Variants in MCTP1 observed in about 807,000 individuals in gnomAD.
MCTP1 encodes multiple C2 and transmembrane domain containing 1, also known as multiple C2 and transmembrane domain-containing protein 1.
Under a neutral mutation model 120.6 loss-of-function variants are expected in MCTP1, and 69 were observed. The ratio of observed to expected loss-of-function variants is 0.57; its 90% CI spans 0.47 to 0.70. MCTP1 has a LOEUF of 0.70. Ranked by LOEUF, MCTP1 falls within the 30% of genes least tolerant of loss-of-function variation. MCTP1 has a pLI of 0.00. For missense variants in MCTP1, 1,203 were observed against 1,248.8 expected, an observed-to-expected ratio of 0.96 and a Z score of 0.55; for synonymous variants, 529 against 493.1, an observed-to-expected ratio of 1.07 and a Z score of -0.96.
chr5:95,127,339 T>C (rs912758359), intron 1 of MCTP1, among the ~76,000 whole-genome samples: 2 of 152,160 alleles, frequency 1.3e-5, no homozygotes, highest in Admixed American at 6.5e-5. Context: ...TTCAGTGGGA[T>C]ACTCAGGGTT....
intron 1 of MCTP1, among the ~76,000 whole-genome samples, chr5:95,085,236 T>C (rs1755337459): frequency 6.6e-6 from 1 of 152,078 alleles, no homozygotes; most frequent in South Asian, 2.1e-4. Context: ...GTAAACGCCC[T>C]CCTGAGTTGG....
At chr5:95,245,283 C>T (rs1756628917) in intron 1 of MCTP1, among the ~76,000 whole-genome samples, 2 of 152,200 alleles carry the variant, frequency 1.3e-5, no homozygotes, top group Non-Finnish European at 2.9e-5. Flanking sequence ...CAAAGGATCA[C>T]AGCTCCTCGC....
chr5:95,126,863 G>T (rs1023291011), intron 1 of MCTP1, among the ~76,000 whole-genome samples: 1 of 151,996 alleles, frequency 6.6e-6, no homozygotes, highest in Admixed American at 6.6e-5. Context: ...CCTCTAGTGA[G>T]AAAAAATATG....
chr5:95,248,003 G>T (rs1009905663), intron 1 of MCTP1, among the ~76,000 whole-genome samples: 1 of 152,070 alleles, frequency 6.6e-6, no homozygotes, highest in Non-Finnish European at 1.5e-5. Context: ...CAATAAACTA[G>T]GTTTTGATGG....
chr5:94,875,693 C>T (rs1363609446), intron 12 of MCTP1, among the ~76,000 whole-genome samples: 1 of 150,788 alleles, frequency 6.6e-6, no homozygotes, highest in Non-Finnish European at 1.5e-5. Flanking sequence ...CCTAATATAC[C>T]CTCATATTAT....
chr5:94,850,196 T>C (rs1283507480), intron 17 of MCTP1, among the ~76,000 whole-genome samples: 1 of 152,152 alleles, frequency 6.6e-6, no homozygotes, highest in Non-Finnish European at 1.5e-5. Context: ...TTTTCAAGAT[T>C]CCAGGGTATG....
intron 1 of MCTP1, among the ~76,000 whole-genome samples, chr5:95,041,740 G>A (rs1842399211): frequency 6.6e-6 from 1 of 152,122 alleles, no homozygotes; most frequent in Non-Finnish European, 1.5e-5. Flanking sequence ...ATCAGTTAAT[G>A]TAATATGGAA....
intron 1 of MCTP1, among the ~76,000 whole-genome samples, chr5:95,046,842 C>T (rs1562071526): frequency 6.6e-6 from 1 of 152,148 alleles, no homozygotes; most frequent in Non-Finnish European, 1.5e-5. Flanking sequence ...GAGGCCAGGG[C>T]CATGACAGAC....
chr5:95,158,340 G>A (rs927664106), intron 1 of MCTP1, among the ~76,000 whole-genome samples: 9 of 152,066 alleles, frequency 5.9e-5, no homozygotes, highest in African/African-American at 2.2e-4. Context: ...TTTGTGCATT[G>A]CAGCTTTGCA....
chr5:95,010,783 T>C (rs917885972), intron 2 of MCTP1, among the ~76,000 whole-genome samples: 1 of 152,104 alleles, frequency 6.6e-6, no homozygotes, highest in Non-Finnish European at 1.5e-5. Flanking sequence ...AAGTCTGCAG[T>C]GAATAATTTG....
At chr5:94,842,566 T>C (rs1385488768) in intron 17 of MCTP1, among the ~76,000 whole-genome samples, 1 of 152,230 alleles carries the variant, frequency 6.6e-6, no homozygotes, top group Non-Finnish European at 1.5e-5. Context: ...GAAAAAATCA[T>C]CAAGGAACAA....
rs192559027 is a variant in MCTP1, at chr5:94,778,037, G to A, written c.2610+1073C>T. On this transcript the variant is annotated intron_variant, in intron 19 of 22. Coordinates refer to ENST00000515393, the MANE Select transcript of MCTP1 (RefSeq NM_024717.7). ...ATCACTGAATTTTTTGACATTTCTC[G>A]TGTATGCTTTCAACACACAAATTAT... 4.7e-3 allele frequency among the ~76,000 whole-genome samples: 718 copies of A among 151,790 alleles called. 22 individuals carry two copies. Among genetic ancestry groups the A allele is most frequent in the Non-Finnish European group, 1.4e-3 (96 of 67,946 alleles).
intron 1 of MCTP1, among the ~76,000 whole-genome samples, chr5:95,203,750 G>C (rs948702987): frequency 2.6e-5 from 4 of 152,198 alleles, no homozygotes; most frequent in African/African-American, 4.8e-5. Context: ...TGTTTGAAAA[G>C]CGGCAGAAGT....
intron 1 of MCTP1, among the ~76,000 whole-genome samples, chr5:95,225,586 T>C (rs1411507085): frequency 6.6e-6 from 1 of 152,218 alleles, no homozygotes; most frequent in Non-Finnish European, 1.5e-5. Flanking sequence ...ATTCCAAGAA[T>C]GGTCAATGTC....
chr5:94,767,390 A>C (rs1314222977), intron 19 of MCTP1, among the ~76,000 whole-genome samples: 1 of 152,238 alleles, frequency 6.6e-6, no homozygotes, highest in Non-Finnish European at 1.5e-5. Context: ...CTCTTGTTCA[A>C]CATAGTACTG....
chr5:95,081,433 C>A, intron 1 of MCTP1: 1 of 1,611,594 alleles, frequency 6.2e-7, no homozygotes, highest in South Asian at 1.1e-5. Context: ...TACCTTATTA[C>A]AAATAAATGG....
chr5:95,158,511 G>T (rs1745368236), intron 1 of MCTP1, among the ~76,000 whole-genome samples: 1 of 152,178 alleles, frequency 6.6e-6, no homozygotes, highest in South Asian at 2.1e-4. Context: ...GGATGCCATT[G>T]TTAAGAAGCC....
intron 1 of MCTP1, among the ~76,000 whole-genome samples, chr5:95,157,887 A>C (rs1323519737): frequency 6.6e-6 from 1 of 152,188 alleles, no homozygotes; most frequent in Non-Finnish European, 1.5e-5. Context: ...TACGCCGGCA[A>C]TGTTGAGTTG....
intron 2 of MCTP1, among the ~76,000 whole-genome samples, chr5:94,990,312 T>C (rs1360463388): frequency 6.6e-6 from 1 of 152,208 alleles, no homozygotes; most frequent in Admixed American, 6.5e-5. Flanking sequence ...GTGCTGTAAG[T>C]ATAGAAAAAG....
Sources: allele counts gnomAD v4.1 joint callset (sites outside exome capture counted in the v4.1 genomes callset), GRCh38; gene constraint gnomAD v4.1.1; transcripts MANE v1.5; gene names NCBI Gene and HGNC (gene_info 2026-07-23, HGNC 2026-07-21).